Variants in COX7A2L observed in about 807,000 individuals in gnomAD.
The protein encoded by COX7A2L is cytochrome c oxidase subunit 7A2-like, mitochondrial.
A neutral mutation model predicts 14.2 loss-of-function variants in COX7A2L; 18 were observed. The observed-to-expected ratio is 1.27, with a 90% CI of 0.88 to 1.88. The LOEUF is 1.88. Among genes scored for constraint, COX7A2L ranks in the 40% most tolerant of loss-of-function variants. The probability of loss-of-function intolerance (pLI) is 0.00; values close to 1 mark genes in which losing one functional copy is unlikely to be tolerated. For synonymous variants in COX7A2L, 65 were observed against 57.4 expected (o/e 1.13, Z -0.60); for missense variants, 179 against 138.8 (o/e 1.29, Z -1.46).
At chr2:42,343,865 G>C (rs773914436) in intron 2 of COX7A2L, among the ~76,000 whole-genome samples, 4 of 152,194 alleles carry the variant, frequency 2.6e-5, no homozygotes, top group South Asian at 2.1e-4. Context: ...ATAAACGAAA[G>C]CTGGCCAGTG....
intron 2 of COX7A2L, among the ~76,000 whole-genome samples, chr2:42,336,166 C>T (rs1251692226): frequency 6.6e-6 from 1 of 152,210 alleles, no homozygotes; most frequent in Non-Finnish European, 1.5e-5. Context: ...CATTCCCCAT[C>T]CCTCACTTCC....
intron 2 of COX7A2L, among the ~76,000 whole-genome samples, chr2:42,340,947 T>C (rs1400164517): frequency 6.6e-6 from 1 of 152,154 alleles, no homozygotes; most frequent in Admixed American, 6.5e-5. Flanking sequence ...TAACCTCTGT[T>C]CAGACCTGGA....
chr2:42,353,480 C>G, intron 1 of COX7A2L, 137 bp from the exon 2 acceptor site: 1 of 1,167,500 alleles, frequency 8.6e-7, no homozygotes, highest in South Asian at 1.4e-5. Flanking sequence ...GTCAAGAACC[C>G]CTTGCCATTA....
chr2:42,358,996 C>T (rs1220105992), intron 1 of COX7A2L: 3 of 152,090 alleles, frequency 2.0e-5, no homozygotes, highest in Admixed American at 2.0e-4. Flanking sequence ...AATAAAAGAA[C>T]ATCTACTACC....
Position 42,350,104 on chromosome 2 carries a change from G to C in COX7A2L, c.*1115C>G, listed in dbSNP as rs958700737. On this transcript the variant is annotated 3_prime_UTR_variant, in exon 3 of 3. Transcript: ENST00000234301. Reference sequence around the variant, plus strand: ...GATATCACTGCAAGGCTACTATTGAGTATTTTCAAATCACCACATCTTATC... The same window carrying C: ...GATATCACTGCAAGGCTACTATTGACTATTTTCAAATCACCACATCTTATC... 3 of 152,176 alleles carry C rather than the reference G, an allele frequency of 2.0e-5. No individual in the cohort carries two copies. The highest frequency in any genetic ancestry group is 4.4e-5 in the Non-Finnish European group (3 of 68,038). The allele number at this position is 152,176 out of a possible 1,614,324, so 9.4% of individuals were successfully genotyped here. A position where few individuals can be genotyped will look rare whatever the true frequency, so the allele number is the denominator to read the frequency against.
intron 1 of COX7A2L, among the ~76,000 whole-genome samples, chr2:42,367,025 G>T (rs1159105042): frequency 6.6e-6 from 1 of 152,170 alleles, no homozygotes; most frequent in Non-Finnish European, 1.5e-5. Context: ...TTTTAGCATT[G>T]GCATTAAATT....
At chr2:42,365,642 A>AT (rs1224189322), upstream of COX7A2L, 1 of 152,152 alleles carries the variant, frequency 6.6e-6, no homozygotes, top group Non-Finnish European at 1.5e-5. Context: ...AAAAAAAAAA[A>AT]GAAAGAAATT....
intron 2 of COX7A2L, among the ~76,000 whole-genome samples, chr2:42,351,908 A>G (rs1467448299): frequency 6.6e-6 from 1 of 152,156 alleles, no homozygotes; most frequent in Non-Finnish European, 1.5e-5. Context: ...GCTTGAGCCC[A>G]AGAGGTCAAG....
chr2:42,344,581 G>C, downstream of COX7A2L, among the ~76,000 whole-genome samples: 1 of 152,214 alleles, frequency 6.6e-6, no homozygotes, highest in East Asian at 1.9e-4. Flanking sequence ...GGCCCGGCGC[G>C]GTGGCTCACG....
At chr2:42,343,194 G>A (rs1572784952) in intron 2 of COX7A2L, among the ~76,000 whole-genome samples, 3 of 152,110 alleles carry the variant, frequency 2.0e-5, no homozygotes, top group Admixed American at 6.5e-5. Context: ...ACACCCACCC[G>A]GGCAGCCTCC....
chr2:42,367,573 G>A (rs1239480380), intron 1 of COX7A2L, among the ~76,000 whole-genome samples: 1 of 152,238 alleles, frequency 6.6e-6, no homozygotes, highest in Non-Finnish European at 1.5e-5. Context: ...GAACTGGAGA[G>A]GGTATGACAT....
Position 42,361,174 on chromosome 2 carries a change from C to A in COX7A2L, c.-13G>T, listed in dbSNP as rs1002684997. On this transcript the variant is annotated 5_prime_UTR_variant, in exon 1 of 3. Transcript: ENST00000234301. ...ACTTGTAGTACATGACGCCCAGAGTCCGGCTTCCCGCATCCGCTGCCAACG... is the reference window on the plus strand; with the variant it reads ...ACTTGTAGTACATGACGCCCAGAGTACGGCTTCCCGCATCCGCTGCCAACG... The A allele has an allele frequency of 2.5e-6, 4 of 1,600,816 alleles. No individual in the cohort carries two copies. The highest frequency in any genetic ancestry group is 1.7e-5 in the Admixed American group (1 of 58,766).
upstream of COX7A2L, chr2:42,361,932 A>C (rs964828870): frequency 6.6e-6 from 1 of 152,196 alleles, no homozygotes; most frequent in Non-Finnish European, 1.5e-5. Context: ...ATTTGCCCCA[A>C]TAATATAAAA....
At chr2:42,341,360 G>A (rs571311071) in intron 2 of COX7A2L, among the ~76,000 whole-genome samples, 76 of 152,232 alleles carry the variant, frequency 5.0e-4, no homozygotes, top group African/African-American at 1.8e-3. Context: ...CTTCCCTCCC[G>A]ACCTGCCCAA....
In COX7A2L at chr2:42,342,686, G is replaced by A. The variant is rs896037594; in HGVS notation, c.193-8817C>T. ...AGCCATGTGACCATGACTAATCTAT[G>A]TCATAGACGAGGTCAGAACAAGAGA... On this transcript the variant is annotated intron_variant, in intron 2 of 2. Coordinates refer to the COX7A2L transcript ENST00000468711. The surrounding 1 kb of genome is among the most constrained non-coding windows in gnomAD (Gnocchi z 4.9). Among the ~76,000 whole-genome samples the A allele has an allele frequency of 6.6e-6, 1 of 152,186 alleles. No homozygotes were observed. Among genetic ancestry groups the A allele is most frequent in the African/African-American group, 2.4e-5 (1 of 41,442 alleles).
rs1670350557 is a variant in COX7A2L at position 42,339,258 on chromosome 2, C to T, written c.193-5389G>A. The stretch of plus-strand genomic sequence containing the variant: ...GGGAGGGCACTCAGGAAACCACAGA[C>T]GCGGCCGTTGGCACCACCAGGAGCT... On this transcript the variant is annotated intron_variant, in intron 2 of 2. Coordinates refer to the COX7A2L transcript ENST00000468711. This position sits in a 1 kb window ranked among gnomAD's most constrained non-coding sequence, Gnocchi z 5.4. Among the ~76,000 whole-genome samples the T allele has an allele frequency of 6.6e-6, 1 of 152,226 alleles. No homozygotes were observed. The highest frequency in any genetic ancestry group is 1.9e-4 in the East Asian group (1 of 5,198).
At chr2:42,347,882 T>C (rs746173178), downstream of COX7A2L, among the ~76,000 whole-genome samples, 18 of 152,042 alleles carry the variant, frequency 1.2e-4, no homozygotes, top group African/African-American at 1.7e-4. Flanking sequence ...GATGGCGCCA[T>C]TGCACTCCAG....
In COX7A2L at chr2:42,350,531, A is replaced by T. The variant is rs1670602834; in HGVS notation, c.*688T>A. 1 of 152,246 alleles carries T rather than the reference A, an allele frequency of 6.6e-6. No homozygotes were observed. The highest frequency in any genetic ancestry group is 6.5e-5 in the Admixed American group (1 of 15,284). The allele number at this position is 152,246 out of a possible 1,614,324, so 9.4% of individuals were successfully genotyped here. The stretch of plus-strand genomic sequence containing the variant: ...TCATTCATGTATTTATTCCACAGTC[A>T]AAATAAATCAAAATTTAAAGCTATA... On this transcript the variant is annotated 3_prime_UTR_variant, in exon 3 of 3. Transcript: ENST00000234301.
At position 42,351,279 on chromosome 2, in the gene COX7A2L, C is replaced by G. The variant is rs746298147; in HGVS notation, c.285G>C (p.Val95=). 6.2e-7 allele frequency: 1 copy of G among 1,614,198 alleles called. No homozygotes were observed. Among genetic ancestry groups the G allele is most frequent in the Non-Finnish European group, 8.5e-7 (1 of 1,180,032 alleles). ...MLYRTTMALT[V]GGTIYCLIAL... is the part of the protein sequence containing the mutation. ...CGATCAGGCAGTAGATGGTCCCTCCCACAGTCAGCGCCATGGTGGTCCGGT... is the reference window on the plus strand; with the variant it reads ...CGATCAGGCAGTAGATGGTCCCTCCGACAGTCAGCGCCATGGTGGTCCGGT... The change falls in exon 3 of 3, where the codon GTG becomes GTC. Residue 95 remains valine, a synonymous_variant. Transcript: ENST00000234301.
Sources: allele counts gnomAD v4.1 joint callset (sites outside exome capture counted in the v4.1 genomes callset), GRCh38; gene constraint gnomAD v4.1.1; non-coding constraint Gnocchi (gnomAD v3.1); transcripts MANE v1.5; gene names NCBI Gene and HGNC (gene_info 2026-07-23, HGNC 2026-07-21).